SLC44A5: variants seen among roughly 807,000 people sequenced by gnomAD.
SLC44A5 encodes choline transporter-like protein 5.
SLC44A5 carries 57 observed loss-of-function variants against 101.8 expected under a neutral mutation model. That is an observed-to-expected ratio of 0.56 (90% CI 0.45 to 0.70). The LOEUF (loss-of-function observed/expected upper bound fraction) is 0.70, where lower values mean the gene tolerates loss of function less well. Among genes scored for constraint, SLC44A5 ranks in the 30% least tolerant of loss-of-function variants. The probability of loss-of-function intolerance (pLI) is 0.00; values close to 1 mark genes in which losing one functional copy is unlikely to be tolerated. For missense variants in SLC44A5, 737 were observed against 853.1 expected (o/e 0.86, Z 1.70); for synonymous variants, 281 against 290.9 (o/e 0.97, Z 0.35).
chr1:75,598,276 C>T (rs899663357), intron 1 of SLC44A5, among the ~76,000 whole-genome samples: 1 of 151,858 alleles, frequency 6.6e-6, no homozygotes. Flanking sequence ...CAAAAAAAAA[C>T]AGATGCTGGC....
chr1:75,231,411 T>C (rs1461209222), intron 12 of SLC44A5, among the ~76,000 whole-genome samples: 1 of 152,202 alleles, frequency 6.6e-6, no homozygotes, highest in African/African-American at 2.4e-5. Flanking sequence ...CACGATTTCA[T>C]AGCAAGAAGG....
chr1:75,420,464 T>C (rs942933861), intron 2 of SLC44A5, among the ~76,000 whole-genome samples: 1 of 152,130 alleles, frequency 6.6e-6, no homozygotes, highest in African/African-American at 2.4e-5. Context: ...GAAACCCAAC[T>C]CCACTGATAA....
chr1:75,449,473 C>T (rs1194666535), intron 2 of SLC44A5, among the ~76,000 whole-genome samples: 1 of 152,090 alleles, frequency 6.6e-6, no homozygotes, highest in Admixed American at 6.6e-5. Context: ...CTATGTGGCT[C>T]CCCTTTTTGC....
chr1:75,515,781 T>C lies in SLC44A5; in HGVS notation c.13+25654A>G, dbSNP rs945050652. On this transcript the variant is annotated intron_variant, in intron 2 of 23. Transcript: ENST00000370859. Reference sequence around the variant, plus strand: ...AATATTGGGGGTTCATACCCAGAGATAGGATTGCTGGATCATATGGTAGTT... The same window carrying C: ...AATATTGGGGGTTCATACCCAGAGACAGGATTGCTGGATCATATGGTAGTT... Among the ~76,000 whole-genome samples the C allele has an allele frequency of 1.4e-4, 22 of 152,198 alleles. No homozygotes were observed. In the East Asian group the frequency reaches 2.3e-3, roughly 16 times the overall value.
chr1:75,618,886 A>T, the SLC44A5 span, among the ~76,000 whole-genome samples: 1 of 152,092 alleles, frequency 6.6e-6, no homozygotes, highest in Non-Finnish European at 1.5e-5. Flanking sequence ...CCTGGCCAAC[A>T]TGGTGAAACC....
At chr1:75,516,241 G>A (rs777620713) in intron 2 of SLC44A5, among the ~76,000 whole-genome samples, 3 of 152,296 alleles carry the variant, frequency 2.0e-5, no homozygotes, top group African/African-American at 4.8e-5. Context: ...CAGGCCGGGC[G>A]CGGTGGCTCA....
intron 2 of SLC44A5, among the ~76,000 whole-genome samples, chr1:75,486,745 C>G (rs1427926206): frequency 2.0e-5 from 3 of 152,196 alleles, no homozygotes; most frequent in Non-Finnish European, 2.9e-5. Context: ...TTCTTTGACT[C>G]CATGCCTCAC....
intron 2 of SLC44A5, among the ~76,000 whole-genome samples, chr1:75,485,485 G>A (rs75345919): frequency 0.14 from 20,598 of 152,082 alleles, 1,534 homozygotes; most frequent in African/African-American, 0.16. Context: ...CCCCAGCCTG[G>A]GCTTCATTGT....
intron 4 of SLC44A5, among the ~76,000 whole-genome samples, chr1:75,315,946 C>T (rs982653227): frequency 6.6e-6 from 1 of 152,166 alleles, no homozygotes; most frequent in Non-Finnish European, 1.5e-5. Flanking sequence ...TTCTTTCCCT[C>T]CAATCTCATT....
chr1:75,369,883 C>T (rs1040966899), intron 3 of SLC44A5, among the ~76,000 whole-genome samples: 1 of 152,166 alleles, frequency 6.6e-6, no homozygotes, highest in African/African-American at 2.4e-5. Flanking sequence ...TGGAAGTTTT[C>T]CCATTGCTTG....
chr1:75,383,890 G>C (rs11485320), intron 3 of SLC44A5, among the ~76,000 whole-genome samples: 1 of 151,974 alleles, frequency 6.6e-6, no homozygotes. Flanking sequence ...GGAGAGAGTG[G>C]GGGCCAATAT....
chr1:75,513,993 C>T (rs1458989230), intron 2 of SLC44A5, among the ~76,000 whole-genome samples: 1 of 152,016 alleles, frequency 6.6e-6, no homozygotes, highest in Non-Finnish European at 1.5e-5. Flanking sequence ...ACCTGGCTAC[C>T]ACAGCTGGCT....
intron 1 of SLC44A5, among the ~76,000 whole-genome samples, chr1:75,593,170 G>A (rs965799610): frequency 3.3e-5 from 5 of 151,868 alleles, no homozygotes; most frequent in Non-Finnish European, 7.4e-5. Flanking sequence ...ATCAAAACAT[G>A]GTCAAAAGAT....
chr1:75,716,064 T>C, the SLC44A5 span, among the ~76,000 whole-genome samples: 1 of 152,206 alleles, frequency 6.6e-6, no homozygotes, highest in Non-Finnish European at 1.5e-5. Flanking sequence ...GAAAAAATGT[T>C]CATCATCAGT....
the SLC44A5 span, among the ~76,000 whole-genome samples, chr1:75,679,449 G>A: frequency 6.6e-6 from 1 of 151,992 alleles, no homozygotes; most frequent in African/African-American, 2.4e-5. Context: ...GAGAGTGGGG[G>A]CCAATATTCA....
chr1:75,410,014 T>C (rs2101500729), intron 2 of SLC44A5, among the ~76,000 whole-genome samples: 1 of 152,258 alleles, frequency 6.6e-6, no homozygotes, highest in Middle Eastern at 3.4e-3. Flanking sequence ...CTCTCAATGC[T>C]CTCAAAATTA....
Position 75,596,027 on chromosome 1 carries a change from A to G in SLC44A5, c.-70+15013T>C, listed in dbSNP as rs189156060. ...TCTAACATCATTCAAAAAGAACACT[A>G]TTAAGATTTACAGCTAATATCAAAT... On this transcript the variant is annotated intron_variant, in intron 1 of 23. Coordinates refer to ENST00000370859, the MANE Select transcript of SLC44A5 (RefSeq NM_001130058.2). 1.6e-4 allele frequency among the ~76,000 whole-genome samples: 24 copies of G among 152,304 alleles called. No individual in the cohort carries two copies. The East Asian group carries it at 4.0e-3, about 26-fold the overall frequency.
At chr1:75,716,560 C>T in the SLC44A5 span, among the ~76,000 whole-genome samples, 306 of 152,230 alleles carry the variant, frequency 2.0e-3, 2 homozygotes, top group Non-Finnish European at 2.9e-3. Flanking sequence ...AGCAATGTGG[C>T]GATTTCTCAA....
chr1:75,519,157 TC>T (rs1669986150), intron 2 of SLC44A5, among the ~76,000 whole-genome samples: 1 of 152,138 alleles, frequency 6.6e-6, no homozygotes, highest in Non-Finnish European at 1.5e-5. Context: ...CATCCTAATT[TC>T]TCAACAAAGG....
Sources: allele counts gnomAD v4.1 joint callset (sites outside exome capture counted in the v4.1 genomes callset), GRCh38; gene constraint gnomAD v4.1.1; transcripts MANE v1.5; gene names NCBI Gene and HGNC (gene_info 2026-07-23, HGNC 2026-07-21).